Variants in MATN4 observed in about 807,000 individuals in gnomAD.
The protein encoded by MATN4 is matrilin 4.
MATN4 carries 40 observed loss-of-function variants against 54.6 expected under a neutral mutation model. The observed-to-expected ratio is 0.73, with a 90% CI of 0.57 to 0.95. MATN4 has a LOEUF of 0.95. Ranked by LOEUF, MATN4 falls within the 40% of genes least tolerant of loss-of-function variation. The pLI, the probability that MATN4 is intolerant of heterozygous loss-of-function variation, is 0.00. For synonymous variants in MATN4, 351 were observed against 345.3 expected (o/e 1.02, Z -0.18); for missense variants, 810 against 819.1 (o/e 0.99, Z 0.13).
chr20:45,307,557 A>G (rs557287149), intron 1 of MATN4, among the ~76,000 whole-genome samples: 2 of 152,280 alleles, frequency 1.3e-5, no homozygotes, highest in Admixed American at 6.5e-5. Flanking sequence ...GCCACCTCCC[A>G]TACTTTCCTA....
At chr20:45,308,350 A>AAGT (rs1986933747), upstream of MATN4, 2 of 764,726 alleles carry the variant, frequency 2.6e-6, no homozygotes, top group Non-Finnish European at 4.5e-6. Context: ...GCGGGTGGGG[A>AAGT]GGGGAAGTGC....
At position 45,300,925 on chromosome 20, in the gene MATN4, T is replaced by G. The variant is rs1269474986; in HGVS notation, c.974A>C (p.Glu325Ala). The G allele has an allele frequency of 1.2e-6, 2 of 1,613,548 alleles. No homozygotes were observed. Among genetic ancestry groups the G allele is most frequent in the Admixed American group, 3.3e-5 (2 of 60,010 alleles). The change falls in exon 6 of 10, where the codon GAG becomes GCG. Residue 325 changes from glutamate (E) to alanine (A), a missense_variant. Glu to Ala is a moderately radical substitution (Grantham distance 107). Coordinates refer to ENST00000372756, the MANE Select transcript of MATN4 (RefSeq NM_001393530.1). ...EGLSYRCLCP[E>A]GRQLQADGKS... ...GCCATCTGCCTGAAGTTGCCGCCCC[T>G]CGGGGCACAGGCAGCGGTAGGAGAG...
Position 45,298,137 on chromosome 20 carries a change from A to C in MATN4, c.1426+33T>G. ...AAGCTGCCTCCCAGCGTCTGACCCA[A>C]CCCCAGCCCACTGTGTCCCATGCCA... is the stretch of plus-strand genomic sequence containing the variant. On this transcript the variant is annotated intron_variant, in intron 7 of 9. Coordinates refer to ENST00000372756, the MANE Select transcript of MATN4 (RefSeq NM_001393530.1). The surrounding 1 kb of genome is among the most constrained non-coding windows in gnomAD (Gnocchi z 4.6). The C allele has an allele frequency of 6.2e-7, 1 of 1,600,208 alleles. No individual in the cohort carries two copies. Among genetic ancestry groups the C allele is most frequent in the Admixed American group, 1.7e-5 (1 of 59,660 alleles).
In MATN4 at chr20:45,293,908, G is replaced by A; in HGVS notation, c.1687C>T (p.Leu563=). The A allele has an allele frequency of 6.2e-7, 1 of 1,604,156 alleles. No homozygotes were observed. Among genetic ancestry groups the A allele is most frequent in the African/African-American group, 1.3e-5 (1 of 74,756 alleles). The change falls in exon 9 of 10, where the codon CTG becomes TTG. Residue 563 remains leucine (L), a splice_region_variant and synonymous_variant. Coordinates refer to ENST00000372756, the MANE Select transcript of MATN4 (RefSeq NM_001393530.1). ...LGALESLTLN[L]AQLTARLEDL... ...CCGCGCCACCAGCCCCAAAGGATAT[G>A]GTTCAGCGTCAGGCTCTCGAGCGCC... is the stretch of plus-strand genomic sequence containing the variant.
intron 2 of MATN4, 51 bp from the exon 3 acceptor site, chr20:45,304,848 G>A (rs1413056632): frequency 4.8e-6 from 6 of 1,241,610 alleles, no homozygotes; most frequent in South Asian, 3.0e-5. Flanking sequence ...CCTCACCTCC[G>A]AGGAGACCCC....
chr20:45,299,971 G>A (rs554629752), intron 6 of MATN4, among the ~76,000 whole-genome samples: 1 of 69,942 alleles, frequency 1.4e-5, no homozygotes, highest in African/African-American at 5.9e-5. Flanking sequence ...GTGGGTGTGT[G>A]TGTGTAGGGG....
chr20:45,304,765 C>A lies in MATN4; in HGVS notation c.106G>T (p.Val36Leu), dbSNP rs775375807. Residue 36 changes from valine (V) to leucine (L), a missense_variant, in exon 3 of 10, where the codon GTG becomes TTG. Coordinates refer to ENST00000372756, the MANE Select transcript of MATN4 (RefSeq NM_001393530.1). ...CTGCGGGAGCTGTCAATCACGAACA[C>A]CAGATCCAGGGGCCCAGTGTGACAC... ...PRCHTGPLDL[V>L]FVIDSSRSVR... 1.3e-6 allele frequency: 2 copies of A among 1,594,442 alleles called. No homozygotes were observed. Among genetic ancestry groups the A allele is most frequent in the Non-Finnish European group, 1.7e-6 (2 of 1,165,656 alleles).
At position 45,293,877 on chromosome 20, in the gene MATN4, T is replaced by TCCAGCCCGCGCCA. The variant is rs573883320; in HGVS notation, c.1687+18_1687+30dup. 75 of 1,606,810 alleles carry TCCAGCCCGCGCCA rather than the reference T, an allele frequency of 4.7e-5. No homozygotes were observed. In the East Asian group the frequency reaches 1.3e-3, roughly 28 times the overall value. On this transcript the variant is annotated intron_variant, in intron 9 of 9. Transcript: ENST00000372756. Reference sequence around the variant, plus strand: ...TTCGCCGAGGTCCCTTCACTTTCCCTCCAGCCCGCGCCACCAGCCCCAAAG... The same window carrying TCCAGCCCGCGCCA: ...TTCGCCGAGGTCCCTTCACTTTCCCTCCAGCCCGCGCCACCAGCCCGCGCCACCAGCCCCAAAG...
chr20:45,304,545 T>C lies in MATN4; in HGVS notation c.326A>G (p.Gln109Arg), dbSNP rs781052021. ...RAIRDLVPLAQGTMTGLAIQY... is the reference protein window; with the variant it reads ...RAIRDLVPLARGTMTGLAIQY... ...GATTGCCAGTCCCGTCATGGTGCCT[T>C]GCGCCAGAGGCACCAGGTCGCGGAT... The change falls in exon 3 of 10, where the codon CAA becomes CGA. Residue 109 changes from glutamine to arginine, a missense_variant. By Grantham distance (43) the Gln-to-Arg change is conservative. Coordinates refer to ENST00000372756, the MANE Select transcript of MATN4 (RefSeq NM_001393530.1). The C allele has an allele frequency of 1.9e-6, 3 of 1,596,658 alleles. No homozygotes were observed. The highest frequency in any genetic ancestry group is 2.6e-6 in the Non-Finnish European group (3 of 1,166,476).
intron 1 of MATN4, among the ~76,000 whole-genome samples, chr20:45,306,094 C>T (rs2233087): frequency 1.3e-5 from 2 of 151,784 alleles, no homozygotes; most frequent in African/African-American, 4.8e-5. Flanking sequence ...CGTGAGCCAC[C>T]GCGCTCGGCC....
upstream of MATN4, chr20:45,308,422 C>T (rs7346990): frequency 1.4e-4 from 83 of 593,732 alleles, 1 homozygote; most frequent in African/African-American, 1.5e-3. Flanking sequence ...GGGGGCAAAC[C>T]CAGCACCCCC....
intron 3 of MATN4, chr20:45,303,373 C>G (rs1354553892): frequency 1.4e-6 from 1 of 710,626 alleles, no homozygotes; most frequent in Non-Finnish European, 2.6e-6. Context: ...GATTGCAGGA[C>G]AGGGATAGCT....
rs1016514539 is a variant in MATN4, at chr20:45,298,421, C to T, written c.1175G>A (p.Arg392His). ...ACCCAGAGGGAACTCGGTGCGCACG[C>T]GGCTCGAGAACTGCACCAGCCCCAC... ...TRVGLVQFSS[R>H]VRTEFPLGRY... The change falls in exon 7 of 10, where the codon CGC (arginine) becomes CAC (histidine). Residue 392 changes from arginine to histidine, a missense_variant. Arg to His is a conservative substitution (Grantham distance 29). Coordinates refer to ENST00000372756, the MANE Select transcript of MATN4 (RefSeq NM_001393530.1). This position sits in a 1 kb window ranked among gnomAD's most constrained non-coding sequence, Gnocchi z 4.6. 3.1e-6 allele frequency: 5 copies of T among 1,613,120 alleles called. No homozygotes were observed. The highest frequency in any genetic ancestry group is 2.2e-5 in the South Asian group (2 of 90,996).
In MATN4 at chr20:45,293,931, G is replaced by GC; in HGVS notation, c.1663dup (p.Ala555GlyfsTer79). 6.2e-7 allele frequency: 1 copy of GC among 1,600,742 alleles called. No homozygotes were observed. ...ATGGTTCAGCGTCAGGCTCTCGAGC[G>GC]CCCCCAGCGTGCGGCCCTGGAACTC... is the stretch of plus-strand genomic sequence containing the variant. On this transcript the variant is annotated frameshift_variant, in exon 9 of 10. Coordinates refer to ENST00000372756, the MANE Select transcript of MATN4 (RefSeq NM_001393530.1). LOFTEE classifies it high-confidence loss of function.
chr20:45,295,306 G>A (rs540275190), intron 8 of MATN4, among the ~76,000 whole-genome samples: 6 of 152,296 alleles, frequency 3.9e-5, no homozygotes, highest in African/African-American at 7.2e-5. Context: ...CATCGGCATC[G>A]TGTAGGAATT....
Position 45,301,217 on chromosome 20 carries a change from G to A in MATN4, c.774C>T (p.Asp258=). ...QQDQRSCRAI[D]YCSFGNHSCQ... is the part of the protein sequence containing the mutation. ...AGCTATGGTTCCCAAAGCTGCAGTA[G>A]TCAATGGCTGGCAGGAGGGAAGAAA... Residue 258 remains aspartate (D), a synonymous_variant, in exon 5 of 10, where the codon GAC becomes GAT. Coordinates refer to ENST00000372756, the MANE Select transcript of MATN4 (RefSeq NM_001393530.1). 6.2e-7 allele frequency: 1 copy of A among 1,613,916 alleles called. No individual in the cohort carries two copies. Among genetic ancestry groups the A allele is most frequent in the Non-Finnish European group, 8.5e-7 (1 of 1,179,934 alleles).
rs144766088 is a variant in MATN4 at position 45,296,565 on chromosome 20, A to C, written c.1579+1353T>G. ...ACTTCTCTTAGAACTCTAGAACTAG[A>C]GGTAACCTTGGGCAGCCAGTGCCTC... On this transcript the variant is annotated intron_variant, in intron 8 of 9. Transcript: ENST00000372756. 1.8e-3 allele frequency among the ~76,000 whole-genome samples: 267 copies of C among 152,268 alleles called. 1 individual carries two copies. The highest frequency in any genetic ancestry group is 6.1e-3 in the African/African-American group (252 of 41,554).
rs1042049787 is a variant in MATN4, at chr20:45,303,365, T to C, written c.643+863A>G. The C allele has an allele frequency of 2.8e-5, 20 of 707,900 alleles. 1 individual carries two copies. Among genetic ancestry groups the C allele is most frequent in the Admixed American group, 8.0e-5 (4 of 49,862 alleles). The allele number at this position is 707,900 out of a possible 1,614,324, so 43.9% of individuals were successfully genotyped here. A position where few individuals can be genotyped will look rare whatever the true frequency, so the allele number is the denominator to read the frequency against. Reference sequence around the variant, plus strand: ...CAAAGAAGGTTCAGGAGCAGTGAGATTGCAGGACAGGGATAGCTGTCATCC... The same window carrying C: ...CAAAGAAGGTTCAGGAGCAGTGAGACTGCAGGACAGGGATAGCTGTCATCC... On this transcript the variant is annotated intron_variant, in intron 3 of 9. Coordinates refer to ENST00000372756, the MANE Select transcript of MATN4 (RefSeq NM_001393530.1).
chr20:45,298,218 G>A lies in MATN4; in HGVS notation c.1378C>T (p.Arg460Cys). 6.2e-7 allele frequency: 1 copy of A among 1,605,394 alleles called. No homozygotes were observed. The highest frequency in any genetic ancestry group is 1.1e-5 in the South Asian group (1 of 90,758). The change falls in exon 7 of 10, where the codon CGC (arginine) becomes TGC (cysteine). Residue 460 changes from arginine to cysteine, a missense_variant. By Grantham distance (180) the Arg-to-Cys change is radical. Transcript: ENST00000372756. This position sits in a 1 kb window ranked among gnomAD's most constrained non-coding sequence, Gnocchi z 4.6. ...CACACCGAGATGTCATCCTGGGAGC[G>A]GCCATCCGTGAAGACCAGGCCAACA... ...PRVGLVFTDG[R>C]SQDDISVWAA...
Sources: gnomAD v4.1 joint callset for allele counts (sites outside exome capture counted in the v4.1 genomes callset) on GRCh38, gnomAD v4.1.1 for gene constraint, Gnocchi (gnomAD v3.1) non-coding constraint, MANE v1.5 for transcripts, NCBI Gene and HGNC (gene_info 2026-07-23, HGNC 2026-07-21) for gene names.